The following CDC42EP3 variants were observed in gnomAD, a reference collection of about 807,000 sequenced individuals.
The protein encoded by CDC42EP3 is CDC42 effector protein (Rho GTPase binding) 3.
Under a neutral mutation model 15.5 loss-of-function variants are expected in CDC42EP3, and 4 were observed. That is an observed-to-expected ratio of 0.26 (90% confidence interval 0.13 to 0.59). CDC42EP3 has a LOEUF of 0.59. Ranked by LOEUF, CDC42EP3 falls within the 20% of genes least tolerant of loss-of-function variation. CDC42EP3 has a pLI of 0.89. For missense variants in CDC42EP3, 309 were observed against 311.2 expected (o/e 0.99, Z 0.05); for synonymous variants, 145 against 130.3 (o/e 1.11, Z -0.77).
At chr2:37,652,152 GT>G (rs1665705056) in intron 1 of CDC42EP3, among the ~76,000 whole-genome samples, 1 of 121,094 alleles carries the variant, frequency 8.3e-6, no homozygotes, top group African/African-American at 3.2e-5. Context: ...TCCAGCCTGG[GT>G]GACAGAGCAA....
At chr2:37,663,701 G>A (rs1421577602) in intron 1 of CDC42EP3, among the ~76,000 whole-genome samples, 2 of 152,354 alleles carry the variant, frequency 1.3e-5, no homozygotes, top group Admixed American at 6.5e-5. Flanking sequence ...AAATAAGCTA[G>A]TGTGGTGGTT....
At chr2:37,668,394 C>G (rs779904065) in intron 1 of CDC42EP3, among the ~76,000 whole-genome samples, 7 of 152,160 alleles carry the variant, frequency 4.6e-5, no homozygotes, top group Non-Finnish European at 7.3e-5. Flanking sequence ...AGTACATAAT[C>G]TTTTTTAACT....
intron 1 of CDC42EP3, among the ~76,000 whole-genome samples, chr2:37,653,873 C>T (rs78910518): frequency 6.6e-6 from 1 of 152,280 alleles, no homozygotes; most frequent in East Asian, 1.9e-4. Context: ...CAGGGACCTG[C>T]GGCTCTGTTC....
chr2:37,649,155 A>C (rs984740225), intron 1 of CDC42EP3, among the ~76,000 whole-genome samples: 1 of 151,780 alleles, frequency 6.6e-6, no homozygotes, highest in African/African-American at 2.4e-5. Context: ...CCCTGTCTCT[A>C]TGAAAAAAAA....
Position 37,646,046 on chromosome 2 carries a change from G to T in CDC42EP3, c.542C>A (p.Ser181Tyr), listed in dbSNP as rs763403254. Residue 181 changes from serine (S) to tyrosine (Y), a missense_variant, in exon 2 of 2, where the codon TCC becomes TAC. Physicochemically the swap from Ser to Tyr is moderately radical, Grantham distance 144 (BLOSUM62 -2). Transcript: ENST00000295324. The stretch of plus-strand genomic sequence containing the variant: ...GGAGTGGCTGTCTCTGCCTTGGCTG[G>T]ACTGAGATGCAGAACCGCTGGAGCC... ...SWGSSGSASQSSQGRDSHSSS... is the reference protein window; with the variant it reads ...SWGSSGSASQYSQGRDSHSSS... 2 of 1,614,004 alleles carry T rather than the reference G, an allele frequency of 1.2e-6. No homozygotes were observed. Among genetic ancestry groups the T allele is most frequent in the Non-Finnish European group, 1.7e-6 (2 of 1,179,984 alleles).
chr2:37,650,813 T>C (rs1336348076), intron 1 of CDC42EP3, among the ~76,000 whole-genome samples: 1 of 152,236 alleles, frequency 6.6e-6, no homozygotes, highest in African/African-American at 2.4e-5. Flanking sequence ...AGGCCCTGCA[T>C]ACACTGACAG....
intron 1 of CDC42EP3, among the ~76,000 whole-genome samples, chr2:37,664,717 C>A (rs937318399): frequency 6.6e-6 from 1 of 152,202 alleles, no homozygotes; most frequent in Admixed American, 6.5e-5. Context: ...AGTCCCTATC[C>A]TTGAGGAGCC....
intron 1 of CDC42EP3, among the ~76,000 whole-genome samples, chr2:37,669,222 T>C (rs1156715884): frequency 3.9e-5 from 5 of 129,442 alleles, no homozygotes; most frequent in African/African-American, 1.5e-4. Context: ...GTGAAAAATC[T>C]ATGGCCTGGC....
At position 37,643,823 on chromosome 2, in the gene CDC42EP3, G is replaced by A. The variant is rs919085146; in HGVS notation, c.*2000C>T. Reference sequence around the variant, plus strand: ...GGAACTGTGAACTGTGACGGGTGTGGTCCAACAGAAAAAACACTGGAGAGT... The same window carrying A: ...GGAACTGTGAACTGTGACGGGTGTGATCCAACAGAAAAAACACTGGAGAGT... On this transcript the variant is annotated 3_prime_UTR_variant, in exon 2 of 2. Transcript: ENST00000295324. The A allele has an allele frequency of 1.3e-5, 2 of 152,170 alleles. No individual in the cohort carries two copies. Among genetic ancestry groups the A allele is most frequent in the African/African-American group, 4.8e-5 (2 of 41,420 alleles). The allele number at this position is 152,170 out of a possible 1,614,324, so 9.4% of individuals were successfully genotyped here.
At chr2:37,666,461 G>A (rs1444638980) in intron 1 of CDC42EP3, among the ~76,000 whole-genome samples, 1 of 152,224 alleles carries the variant, frequency 6.6e-6, no homozygotes, top group Non-Finnish European at 1.5e-5. Context: ...GTTTAACAAA[G>A]GGCCAAAGGC....
intron 1 of CDC42EP3, among the ~76,000 whole-genome samples, chr2:37,658,825 A>C (rs72881314): frequency 0.024 from 3,658 of 152,160 alleles, 104 homozygotes; most frequent in African/African-American, 0.068. Context: ...TTTGCCTTTC[A>C]CCTACCTCCC....
chr2:37,670,373 C>A (rs1411658153), intron 1 of CDC42EP3, among the ~76,000 whole-genome samples: 1 of 152,110 alleles, frequency 6.6e-6, no homozygotes, highest in South Asian at 2.1e-4. Context: ...CTCCCTAGAG[C>A]CCCCCTACAA....
chr2:37,666,035 C>A (rs575085440), intron 1 of CDC42EP3, among the ~76,000 whole-genome samples: 1 of 152,108 alleles, frequency 6.6e-6, no homozygotes, highest in Non-Finnish European at 1.5e-5. Context: ...TTTTGATTGC[C>A]CTCACTTAAT....
intron 1 of CDC42EP3, among the ~76,000 whole-genome samples, chr2:37,657,346 T>C (rs1665900778): frequency 6.6e-6 from 1 of 152,216 alleles, no homozygotes; most frequent in Non-Finnish European, 1.5e-5. Flanking sequence ...TTAGGGGTTT[T>C]CTTAGGGGTT....
rs538297781 is a variant in CDC42EP3, at chr2:37,650,416, C to T, written c.-235-3594G>A. 1.4e-3 allele frequency among the ~76,000 whole-genome samples: 217 copies of T among 152,316 alleles called. 2 individuals are homozygous for T. Among genetic ancestry groups the T allele is most frequent in the African/African-American group, 5.2e-3 (215 of 41,556 alleles). On this transcript the variant is annotated intron_variant, in intron 1 of 1. Coordinates refer to ENST00000295324, the MANE Select transcript of CDC42EP3 (RefSeq NM_006449.5). ...TTTCTTCCCTAGCAAGAAGTGGCTGCTCCTGGAGAGGGTATGAGCATCTCC... is the reference window on the plus strand; with the variant it reads ...TTTCTTCCCTAGCAAGAAGTGGCTGTTCCTGGAGAGGGTATGAGCATCTCC...
chr2:37,646,067 G>A lies in CDC42EP3; in HGVS notation c.521C>T (p.Ser174Phe), dbSNP rs1333766759. 7 of 1,614,084 alleles carry A rather than the reference G, an allele frequency of 4.3e-6. No individual in the cohort carries two copies. In the African/African-American group the frequency reaches 9.3e-5, roughly 22 times the overall value. Residue 174 changes from serine (S) to phenylalanine (F), a missense_variant, in exon 2 of 2, where the codon TCC (serine) becomes TTC (phenylalanine). Coordinates refer to ENST00000295324, the MANE Select transcript of CDC42EP3 (RefSeq NM_006449.5). The part of the protein sequence containing the change: ...TVHQGDTSWG[S>F]SGSASQSSQG... ...GCTGGACTGAGATGCAGAACCGCTGGAGCCCCACGAGGTGTCTCCCTGGTG... is the reference window on the plus strand; with the variant it reads ...GCTGGACTGAGATGCAGAACCGCTGAAGCCCCACGAGGTGTCTCCCTGGTG...
rs1212951282 is a variant in CDC42EP3, at chr2:37,645,867, A to T, written c.721T>A (p.Ser241Thr). 1 of 1,569,736 alleles carries T rather than the reference A, an allele frequency of 6.4e-7. No individual in the cohort carries two copies. The highest frequency in any genetic ancestry group is 8.6e-7 in the Non-Finnish European group (1 of 1,162,848). The change falls in exon 2 of 2, where the codon TCA becomes ACA. Residue 241 changes from serine (S) to threonine (T), a missense_variant. By Grantham distance (58) the Ser-to-Thr change is moderately conservative. Coordinates refer to ENST00000295324, the MANE Select transcript of CDC42EP3 (RefSeq NM_006449.5). ...ACATTCAGCACCTCATCCAAAAGTG[A>T]GGGCCCAAGATCAAGCTGCAGGGAG... ...LLSLQLDLGP[S>T]LLDEVLNVMD... is the part of the protein sequence containing the mutation.
chr2:37,665,938 C>G (rs1666234894), intron 1 of CDC42EP3, among the ~76,000 whole-genome samples: 2 of 152,136 alleles, frequency 1.3e-5, no homozygotes, highest in South Asian at 4.1e-4. Context: ...CAAGAAAACC[C>G]CAAGAGGTCA....
chr2:37,666,645 T>G (rs1381373380), intron 1 of CDC42EP3, among the ~76,000 whole-genome samples: 2 of 152,184 alleles, frequency 1.3e-5, no homozygotes, highest in Non-Finnish European at 2.9e-5. Context: ...CACAGTTTAC[T>G]TGGCTATTTA....
Sources: gnomAD v4.1 joint callset for allele counts (sites outside exome capture counted in the v4.1 genomes callset) on GRCh38, gnomAD v4.1.1 for gene constraint, MANE v1.5 for transcripts, NCBI Gene and HGNC (gene_info 2026-07-23, HGNC 2026-07-21) for gene names.